The following EYS variants were observed in gnomAD, a reference collection of about 807,000 sequenced individuals.
EYS encodes protein eyes shut homolog.
Under a neutral mutation model 282.1 loss-of-function variants are expected in EYS, and 250 were observed. The ratio of observed to expected loss-of-function variants is 0.89; its 90% CI spans 0.80 to 0.98. The LOEUF (loss-of-function observed/expected upper bound fraction) is 0.98. EYS is among the 50% of genes least tolerant of loss of function. The pLI is 0.00. For missense variants in EYS, 4,016 were observed against 3,709.0 expected (o/e 1.08, Z -2.15); for synonymous variants, 1,355 against 1,282.9 (o/e 1.06, Z -1.20).
In EYS at chr6:64,653,373, A is replaced by G. The variant is rs117949372; in HGVS notation, c.3444-27128T>C. Among the ~76,000 whole-genome samples the G allele has an allele frequency of 2.1e-4, 32 of 152,280 alleles. 1 individual carries two copies. In the East Asian group the frequency reaches 5.8e-3, roughly 28 times the overall value. On this transcript the variant is annotated intron_variant, in intron 22 of 42. Transcript: ENST00000503581. ...GTTATGGCAGCCAGGAAAGTAATAT[A>G]GATACCTCTATGTTCATGTAGATGG... is the stretch of plus-strand genomic sequence containing the variant.
intron 26 of EYS, among the ~76,000 whole-genome samples, chr6:64,564,149 T>A (rs1765486502): frequency 6.6e-6 from 1 of 151,956 alleles, no homozygotes; most frequent in Non-Finnish European, 1.5e-5. Flanking sequence ...AATGCTGTTT[T>A]TAAGTTTCTG....
chr6:64,280,670 T>A (rs949055258), intron 30 of EYS, among the ~76,000 whole-genome samples: 4 of 152,166 alleles, frequency 2.6e-5, no homozygotes, highest in African/African-American at 7.2e-5. Flanking sequence ...TTCTCTAGAT[T>A]GCAAGAAATG....
chr6:65,586,172 T>A (rs1298773193), intron 2 of EYS, among the ~76,000 whole-genome samples: 1 of 151,982 alleles, frequency 6.6e-6, no homozygotes, highest in South Asian at 2.1e-4. Flanking sequence ...CATTTTACTT[T>A]AATCAAAATA....
chr6:64,954,663 C>A (rs982239366), intron 14 of EYS, among the ~76,000 whole-genome samples: 2 of 152,130 alleles, frequency 1.3e-5, no homozygotes, highest in Non-Finnish European at 2.9e-5. Context: ...GTACAAAACT[C>A]ATTTCCAGTA....
At chr6:64,095,414 C>G (rs1326151050) in intron 31 of EYS, among the ~76,000 whole-genome samples, 1 of 152,046 alleles carries the variant, frequency 6.6e-6, no homozygotes, top group Non-Finnish European at 1.5e-5. Flanking sequence ...TCTCTAAGGA[C>G]TTGCTTTATG....
chr6:65,468,198 G>A (rs1386669210), intron 5 of EYS, among the ~76,000 whole-genome samples: 4 of 152,118 alleles, frequency 2.6e-5, no homozygotes, highest in Non-Finnish European at 5.9e-5. Flanking sequence ...CATGGCAAGA[G>A]ATGTTCTGAT....
chr6:65,282,361 T>C (rs1395067584), intron 12 of EYS, among the ~76,000 whole-genome samples: 4 of 151,894 alleles, frequency 2.6e-5, no homozygotes, highest in Non-Finnish European at 5.9e-5. Context: ...AAAGTACCGA[T>C]TTACAATTCA....
intron 5 of EYS, among the ~76,000 whole-genome samples, chr6:65,453,868 T>C (rs34855108): frequency 0.098 from 14,893 of 152,084 alleles, 978 homozygotes; most frequent in South Asian, 0.19. Context: ...TTCATTCTTT[T>C]TGATGGCTAG....
chr6:64,521,614 G>A (rs564896440), intron 26 of EYS, among the ~76,000 whole-genome samples: 1 of 151,742 alleles, frequency 6.6e-6, no homozygotes, highest in African/African-American at 2.4e-5. Flanking sequence ...CTCTAACACA[G>A]AACTACAAAG....
intron 12 of EYS, among the ~76,000 whole-genome samples, chr6:65,206,128 T>A (rs1447792497): frequency 6.6e-6 from 1 of 151,574 alleles, no homozygotes; most frequent in African/African-American, 2.4e-5. Flanking sequence ...ACAAAATCAA[T>A]AGACTGCTAG....
chr6:65,299,496 T>A (rs1213978653), intron 11 of EYS, among the ~76,000 whole-genome samples: 2 of 152,138 alleles, frequency 1.3e-5, no homozygotes, highest in African/African-American at 2.4e-5. Context: ...GTGTCGCTTC[T>A]GATGCATTGG....
At chr6:65,240,338 T>A (rs1446563354) in intron 12 of EYS, among the ~76,000 whole-genome samples, 1 of 152,054 alleles carries the variant, frequency 6.6e-6, no homozygotes, top group East Asian at 1.9e-4. Context: ...ATGGGCATAT[T>A]GCTTGATGGT....
intron 26 of EYS, among the ~76,000 whole-genome samples, chr6:64,490,384 G>T (rs1217860285): frequency 6.6e-6 from 1 of 150,774 alleles, no homozygotes; most frequent in Non-Finnish European, 1.5e-5. Flanking sequence ...AAGATAGAAG[G>T]TAATGTCTAA....
At chr6:64,010,865 G>A (rs991656158) in intron 33 of EYS, among the ~76,000 whole-genome samples, 8 of 152,110 alleles carry the variant, frequency 5.3e-5, no homozygotes, top group African/African-American at 4.8e-5. Context: ...CATAATTCAG[G>A]TCATGATACT....
chr6:63,980,350 A>C (rs1274153901), intron 35 of EYS, among the ~76,000 whole-genome samples: 2 of 151,828 alleles, frequency 1.3e-5, no homozygotes, highest in African/African-American at 4.8e-5. Context: ...CCTTTCAATT[A>C]GAGTCCTGGC....
chr6:64,164,555 A>G (rs567302277), intron 31 of EYS, among the ~76,000 whole-genome samples: 1 of 152,222 alleles, frequency 6.6e-6, no homozygotes, highest in East Asian at 1.9e-4. Context: ...AAAGCTAGTT[A>G]AATAGCCACC....
chr6:64,851,894 A>G (rs1348842702), intron 19 of EYS, among the ~76,000 whole-genome samples: 1 of 152,060 alleles, frequency 6.6e-6, no homozygotes, highest in African/African-American at 2.4e-5. Context: ...CCCATGACAT[A>G]ATGGTGATCT....
intron 22 of EYS, among the ~76,000 whole-genome samples, chr6:64,779,352 C>G (rs552234104): frequency 5.9e-5 from 9 of 152,048 alleles, no homozygotes; most frequent in African/African-American, 2.2e-4. Context: ...ACATGGAGGA[C>G]ACTTAGACCC....
At chr6:64,052,346 T>G (rs1445575598) in intron 33 of EYS, among the ~76,000 whole-genome samples, 1 of 152,192 alleles carries the variant, frequency 6.6e-6, no homozygotes, top group Non-Finnish European at 1.5e-5. Context: ...GCTCAAATAA[T>G]AATTAGTAAT....
Sources: gnomAD v4.1 joint callset for allele counts (sites outside exome capture counted in the v4.1 genomes callset) on GRCh38, gnomAD v4.1.1 for gene constraint, MANE v1.5 for transcripts, NCBI Gene and HGNC (gene_info 2026-07-23, HGNC 2026-07-21) for gene names.